Variants in MACROD2 observed in about 807,000 individuals in gnomAD.
The protein encoded by MACROD2 is ADP-ribose glycohydrolase MACROD2.
Under a neutral mutation model 70.4 loss-of-function variants are expected in MACROD2, and 36 were observed. That is an observed-to-expected ratio of 0.51 (90% CI 0.39 to 0.68). MACROD2 has a LOEUF of 0.68. Ranked by LOEUF, MACROD2 falls within the 30% of genes least tolerant of loss-of-function variation. The probability of loss-of-function intolerance (pLI) is 0.00; values close to 1 mark genes in which losing one functional copy is unlikely to be tolerated. For missense variants in MACROD2, 496 were observed against 538.4 expected, an observed-to-expected ratio of 0.92 and a Z score of 0.78; for synonymous variants, 172 against 178.8, an observed-to-expected ratio of 0.96 and a Z score of 0.30.
chr20:14,780,826 G>T (rs958159501), intron 5 of MACROD2, among the ~76,000 whole-genome samples: 1 of 151,932 alleles, frequency 6.6e-6, no homozygotes, highest in Middle Eastern at 3.2e-3. Context: ...CAAAATCTAG[G>T]ATCTTTATAA....
At chr20:14,911,994 G>C (rs1238582609) in intron 5 of MACROD2, among the ~76,000 whole-genome samples, 1 of 152,168 alleles carries the variant, frequency 6.6e-6, no homozygotes, top group Admixed American at 6.5e-5. Context: ...TCTTCACTTA[G>C]CATGAAACGG....
intron 6 of MACROD2, among the ~76,000 whole-genome samples, chr20:15,337,672 A>G (rs1245406658): frequency 1.3e-5 from 2 of 151,680 alleles, no homozygotes; most frequent in Non-Finnish European, 2.9e-5. Flanking sequence ...GTTAGTAACT[A>G]TAGTCACCAT....
intron 5 of MACROD2, among the ~76,000 whole-genome samples, chr20:15,013,339 C>A (rs1203261456): frequency 6.6e-6 from 1 of 152,098 alleles, no homozygotes; most frequent in Admixed American, 6.5e-5. Context: ...CCTGAAAGAG[C>A]ATTTTGTGGC....
At chr20:15,714,604 G>A (rs949240487) in intron 8 of MACROD2, among the ~76,000 whole-genome samples, 9 of 152,098 alleles carry the variant, frequency 5.9e-5, no homozygotes, top group African/African-American at 1.9e-4. Context: ...CTTCCTCATA[G>A]GGAAGCACTC....
intron 5 of MACROD2, among the ~76,000 whole-genome samples, chr20:14,869,897 A>C (rs1317857947): frequency 6.6e-6 from 1 of 152,170 alleles, no homozygotes; most frequent in Non-Finnish European, 1.5e-5. Context: ...GGAAGACGGC[A>C]GTAACTGCAC....
intron 7 of MACROD2, among the ~76,000 whole-genome samples, chr20:15,482,975 T>C (rs2047118447): frequency 6.6e-6 from 1 of 152,114 alleles, no homozygotes; most frequent in Non-Finnish European, 1.5e-5. Flanking sequence ...AAATCCTTTA[T>C]CAAGTATGTC....
At chr20:14,127,876 A>G in intron 3 of MACROD2, 1 of 492,312 alleles carries the variant, frequency 2.0e-6, no homozygotes, top group Admixed American at 2.2e-5. Context: ...AATGTTTCCC[A>G]ACTAGATCTT....
At chr20:14,138,779 A>G (rs1333459719) in intron 3 of MACROD2, among the ~76,000 whole-genome samples, 1 of 66,512 alleles carries the variant, frequency 1.5e-5, no homozygotes, top group Non-Finnish European at 3.7e-5. Flanking sequence ...ACACACACAC[A>G]CACACACACA....
intron 8 of MACROD2, among the ~76,000 whole-genome samples, chr20:15,574,677 T>C (rs1164577558): frequency 6.6e-6 from 1 of 152,174 alleles, no homozygotes; most frequent in Non-Finnish European, 1.5e-5. Flanking sequence ...CTAATAGTTT[T>C]TGCTTTTCTT....
At chr20:15,230,350 A>C (rs147125092) in intron 6 of MACROD2, among the ~76,000 whole-genome samples, 191 of 152,244 alleles carry the variant, frequency 1.3e-3, no homozygotes, top group Middle Eastern at 6.8e-3. Context: ...GAGAAAGTAA[A>C]TATTATGGTA....
chr20:14,782,471 T>G (rs2072313851), intron 5 of MACROD2, among the ~76,000 whole-genome samples: 1 of 152,128 alleles, frequency 6.6e-6, no homozygotes, highest in Admixed American at 6.5e-5. Context: ...GTTTTTCAAC[T>G]TCATAACTAA....
At chr20:14,353,718 G>A (rs1475756830) in intron 3 of MACROD2, among the ~76,000 whole-genome samples, 1 of 152,114 alleles carries the variant, frequency 6.6e-6, no homozygotes, top group Non-Finnish European at 1.5e-5. Context: ...ATGGCCAGAG[G>A]CGTTTATTCC....
intron 8 of MACROD2, among the ~76,000 whole-genome samples, chr20:15,669,815 G>C (rs544474289): frequency 1.3e-5 from 2 of 152,310 alleles, no homozygotes; most frequent in South Asian, 4.1e-4. Flanking sequence ...AGAACCAGGG[G>C]CACAAAGGGC....
At chr20:15,903,074 A>G (rs2065089600) in intron 10 of MACROD2, among the ~76,000 whole-genome samples, 1 of 152,178 alleles carries the variant, frequency 6.6e-6, no homozygotes, top group South Asian at 2.1e-4. Flanking sequence ...AGAGTGTTCC[A>G]GTAGAGGAAA....
intron 3 of MACROD2, among the ~76,000 whole-genome samples, chr20:14,306,228 C>A (rs1601456604): frequency 1.3e-5 from 2 of 152,166 alleles, no homozygotes; most frequent in South Asian, 4.2e-4. Flanking sequence ...TTTGAAAATT[C>A]TCTTCTTTCT....
At chr20:15,192,009 ACTATGTATCTAT>A (rs1423852629) in intron 5 of MACROD2, among the ~76,000 whole-genome samples, 3 of 121,880 alleles carry the variant, frequency 2.5e-5, no homozygotes, top group Non-Finnish European at 5.1e-5. Flanking sequence ...CCCTCTATTA[ACTATGTATCTAT>A]CTATCTATCT....
chr20:15,326,049 C>T (rs2077925470), intron 6 of MACROD2, among the ~76,000 whole-genome samples: 1 of 152,052 alleles, frequency 6.6e-6, no homozygotes, highest in South Asian at 2.1e-4. Context: ...AGTATGTTTT[C>T]TTAATTGCAA....
chr20:14,324,887 T>C (rs2082708869), intron 3 of MACROD2: 1 of 152,522 alleles, frequency 6.6e-6, no homozygotes, highest in South Asian at 2.1e-4. Flanking sequence ...TTCATGCTCC[T>C]TTTATGCCAG....
intron 5 of MACROD2, among the ~76,000 whole-genome samples, chr20:14,771,253 T>C (rs1168867123): frequency 1.3e-5 from 2 of 152,090 alleles, no homozygotes; most frequent in Non-Finnish European, 2.9e-5. Flanking sequence ...CCTGGGTCTC[T>C]AGTTTGTAAA....
Sources: allele counts gnomAD v4.1 joint callset (sites outside exome capture counted in the v4.1 genomes callset), GRCh38; gene constraint gnomAD v4.1.1; transcripts MANE v1.5; gene names NCBI Gene and HGNC (gene_info 2026-07-23, HGNC 2026-07-21).